Variants in SPMIP2 observed in about 807,000 individuals in gnomAD.
SPMIP2 encodes sperm microtubule inner protein 2, also known as protein SPMIP2.
At chr4:158,924,533 C>A in the SPMIP2 span, among the ~76,000 whole-genome samples, 4 of 152,160 alleles carry the variant, frequency 2.6e-5, no homozygotes, top group African/African-American at 7.2e-5. Context: ...GTGCCCACCA[C>A]CATGCCTGGC....
chr4:158,980,552 T>C, the SPMIP2 span, among the ~76,000 whole-genome samples: 14 of 152,200 alleles, frequency 9.2e-5, no homozygotes, highest in Non-Finnish European at 1.9e-4. Context: ...GCTGGTGATA[T>C]CCAGGCAAAC....
At chr4:158,893,551 A>G in the SPMIP2 span, 1 of 614,490 alleles carries the variant, frequency 1.6e-6, no homozygotes, top group East Asian at 2.8e-5. Context: ...CAAACTGTTT[A>G]TTTGGGCTTT....
chr4:158,983,145 G>C, the SPMIP2 span, among the ~76,000 whole-genome samples: 1 of 152,274 alleles, frequency 6.6e-6, no homozygotes, highest in East Asian at 1.9e-4. Flanking sequence ...AAGCCTCCAA[G>C]AAATATGGGA....
chr4:158,945,024 A>G, the SPMIP2 span, among the ~76,000 whole-genome samples: 98,720 of 152,124 alleles, frequency 0.65, 32,652 homozygotes, highest in East Asian at 0.9. Flanking sequence ...TCAGAACTCA[A>G]GAATTAACTT....
At chr4:159,006,686 G>C in the SPMIP2 span, among the ~76,000 whole-genome samples, 1 of 152,198 alleles carries the variant, frequency 6.6e-6, no homozygotes, top group Admixed American at 6.5e-5. Flanking sequence ...ATGCATCTTG[G>C]TTGTATCAAA....
At chr4:158,987,873 G>C in the SPMIP2 span, among the ~76,000 whole-genome samples, 1 of 152,064 alleles carries the variant, frequency 6.6e-6, no homozygotes, top group East Asian at 1.9e-4. Flanking sequence ...AAAGCTAGCA[G>C]AAGACAAAAA....
chr4:158,905,638 A>G, the SPMIP2 span: 1 of 151,704 alleles, frequency 6.6e-6, no homozygotes, highest in African/African-American at 2.4e-5. Context: ...ACATCTTTCC[A>G]GACATTAACT....
the SPMIP2 span, chr4:158,915,141 T>C: frequency 1.3e-6 from 2 of 1,580,954 alleles, no homozygotes; most frequent in Non-Finnish European, 1.7e-6. Flanking sequence ...ACTTTTTCTA[T>C]GACGATTTAG....
chr4:159,004,965 G>A, the SPMIP2 span, among the ~76,000 whole-genome samples: 75 of 151,998 alleles, frequency 4.9e-4, 1 homozygote, highest in Non-Finnish European at 4.0e-4. Flanking sequence ...AGACACGGTG[G>A]CTCACACCTG....
the SPMIP2 span, among the ~76,000 whole-genome samples, chr4:159,045,745 G>A: frequency 1.3e-5 from 2 of 152,186 alleles, no homozygotes; most frequent in African/African-American, 4.8e-5. Flanking sequence ...GTTTTTGTGG[G>A]TCAGGAATCT....
the SPMIP2 span, among the ~76,000 whole-genome samples, chr4:158,964,401 T>G: frequency 1.8e-4 from 27 of 152,286 alleles, no homozygotes; most frequent in South Asian, 4.1e-4. Flanking sequence ...CTTTGGGAGA[T>G]CTGAGTGGAG....
chr4:159,044,179 G>A, the SPMIP2 span, among the ~76,000 whole-genome samples: 1 of 151,706 alleles, frequency 6.6e-6, no homozygotes, highest in East Asian at 1.9e-4. Flanking sequence ...ATTTTCAGTG[G>A]CAAGGAAGTT....
chr4:158,926,850 C>A, the SPMIP2 span, among the ~76,000 whole-genome samples: 1 of 151,860 alleles, frequency 6.6e-6, no homozygotes, highest in South Asian at 2.1e-4. Context: ...CTGGGAAATC[C>A]AAAAAAGGAA....
the SPMIP2 span, among the ~76,000 whole-genome samples, chr4:158,952,447 CA>C: frequency 6.6e-6 from 1 of 152,130 alleles, no homozygotes; most frequent in African/African-American, 2.4e-5. Flanking sequence ...CTCTTGCCAC[CA>C]CCATATAAGG....
chr4:159,063,811 A>G, the SPMIP2 span, among the ~76,000 whole-genome samples: 9 of 152,208 alleles, frequency 5.9e-5, no homozygotes, highest in African/African-American at 1.9e-4. Context: ...TTGAATCAAC[A>G]AAATTGGTTT....
the SPMIP2 span, among the ~76,000 whole-genome samples, chr4:158,894,041 G>A: frequency 6.6e-6 from 1 of 152,136 alleles, no homozygotes; most frequent in Non-Finnish European, 1.5e-5. Context: ...AAAAGAGAAG[G>A]TAGCTATTTG....
chr4:159,056,504 C>T, the SPMIP2 span, among the ~76,000 whole-genome samples: 1 of 152,140 alleles, frequency 6.6e-6, no homozygotes, highest in East Asian at 1.9e-4. Flanking sequence ...TAAACAGTTG[C>T]TTATTTTTTG....
At chr4:158,955,642 G>A in the SPMIP2 span, among the ~76,000 whole-genome samples, 1 of 152,134 alleles carries the variant, frequency 6.6e-6, no homozygotes, top group Non-Finnish European at 1.5e-5. Flanking sequence ...CTGACCTCAG[G>A]TGATCTGCCT....
At chr4:158,953,611 A>G in the SPMIP2 span, among the ~76,000 whole-genome samples, 1 of 152,178 alleles carries the variant, frequency 6.6e-6, no homozygotes, top group Non-Finnish European at 1.5e-5. Context: ...AGACCCCAGA[A>G]TGGTAAATCC....
Sources: gnomAD v4.1 joint callset for allele counts (sites outside exome capture counted in the v4.1 genomes callset) on GRCh38, gnomAD v4.1.1 for gene constraint, MANE v1.5 for transcripts, NCBI Gene and HGNC (gene_info 2026-07-23, HGNC 2026-07-21) for gene names.